MTIF2: variants seen among roughly 807,000 people sequenced by gnomAD.
MTIF2 encodes translation initiation factor IF-2, mitochondrial.
A neutral mutation model predicts 83.5 loss-of-function variants in MTIF2; 71 were observed. The ratio of observed to expected loss-of-function variants is 0.85; its 90% confidence interval spans 0.70 to 1.04. The LOEUF (loss-of-function observed/expected upper bound fraction) is 1.04. MTIF2 is among the 50% of genes least tolerant of loss of function. MTIF2 has a pLI of 0.00. For synonymous variants in MTIF2, 319 were observed against 287.1 expected, an observed-to-expected ratio of 1.11 and a Z score of -1.12; for missense variants, 957 against 846.5, an observed-to-expected ratio of 1.13 and a Z score of -1.62.
At chr2:55,237,230 T>TAGTC in intron 15 of MTIF2, 58 bp downstream of exon 15, 1 of 1,528,782 alleles carries the variant, frequency 6.5e-7, no homozygotes, top group East Asian at 2.3e-5. Context: ...GATGGTTATA[T>TAGTC]AGTCAACAGG....
chr2:55,237,651 T>TTC (rs1404357100), intron 14 of MTIF2, among the ~76,000 whole-genome samples: 4 of 91,518 alleles, frequency 4.4e-5, no homozygotes, highest in Non-Finnish European at 9.2e-5. Context: ...CTTTTTTTCT[T>TTC]TTTTTTTTTT....
rs760889749 is a variant in MTIF2 at position 55,250,008 on chromosome 2, G to A, written c.842-474C>T. On this transcript the variant is annotated intron_variant, in intron 8 of 15. Coordinates refer to ENST00000263629, the MANE Select transcript of MTIF2 (RefSeq NM_002453.3). ...CTTGGGAGCCTGAGGCAGGAGAATC[G>A]CTTGAACCAGGAAGGCAGAGCTTGC... Among the ~76,000 whole-genome samples the A allele has an allele frequency of 7.8e-4, 118 of 152,178 alleles. 1 individual carries two copies. Among genetic ancestry groups the A allele is most frequent in the Non-Finnish European group, 1.3e-3 (90 of 67,994 alleles).
At chr2:55,245,396 C>T (rs1246883538) in intron 10 of MTIF2, among the ~76,000 whole-genome samples, 1 of 151,978 alleles carries the variant, frequency 6.6e-6, no homozygotes, top group East Asian at 1.9e-4. Context: ...GTGGTGGGTG[C>T]CTGTAAATCC....
rs1022642707 is a variant in MTIF2, at chr2:55,251,860, A to C, written c.841+617T>G. Among the ~76,000 whole-genome samples, 6 of 152,206 alleles carry C rather than the reference A, an allele frequency of 3.9e-5. No individual in the cohort carries two copies. In the South Asian group the frequency reaches 6.2e-4, roughly 16 times the overall value. ...CTGGTCTCGAACTCCCAATGACCTC[A>C]GGTGATCCACCGGCCTCGGCCTCCC... On this transcript the variant is annotated intron_variant, in intron 8 of 15. Transcript: ENST00000263629.
Position 55,254,695 on chromosome 2 carries a change from T to G in MTIF2, c.462A>C (p.Leu154Phe). The G allele has an allele frequency of 6.2e-7, 1 of 1,609,064 alleles. No individual in the cohort carries two copies. Residue 154 changes from leucine (L) to phenylalanine (F), a missense_variant, in exon 6 of 16, where the codon TTA becomes TTC. Coordinates refer to ENST00000263629, the MANE Select transcript of MTIF2 (RefSeq NM_002453.3). ...TATTTTTTCTGACTTTGTCCTGTTTTAATTTACTCCACTTTAACTTCATCC... is the reference window on the plus strand; with the variant it reads ...TATTTTTTCTGACTTTGTCCTGTTTGAATTTACTCCACTTTAACTTCATCC... ...KAGMKLKWSK[L>F]KQDKVRKNKD...
chr2:55,258,241 A>T (rs1180260565), intron 5 of MTIF2, among the ~76,000 whole-genome samples: 1 of 152,240 alleles, frequency 6.6e-6, no homozygotes, highest in Non-Finnish European at 1.5e-5. Flanking sequence ...GTACTCCACA[A>T]TAATGCCAAG....
At chr2:55,253,917 A>G in intron 7 of MTIF2, 124 bp downstream of exon 7, 1 of 1,030,898 alleles carries the variant, frequency 9.7e-7, no homozygotes, top group South Asian at 1.7e-5. Flanking sequence ...CATTTCATCA[A>G]ACTAATGACT....
At chr2:55,243,774 A>C (rs1330132275) in intron 11 of MTIF2, 106 bp from the exon 12 acceptor site, 2 of 1,191,028 alleles carry the variant, frequency 1.7e-6, no homozygotes, top group Non-Finnish European at 2.3e-6. Flanking sequence ...CTCATGTATG[A>C]AACTACTACT....
chr2:55,258,948 C>T (rs1443537565), intron 5 of MTIF2, among the ~76,000 whole-genome samples: 1 of 152,024 alleles, frequency 6.6e-6, no homozygotes, highest in Non-Finnish European at 1.5e-5. Context: ...CCATTGCACT[C>T]CAGCCTGCAC....
chr2:55,238,638 G>A (rs971431122), intron 14 of MTIF2, among the ~76,000 whole-genome samples: 7 of 152,002 alleles, frequency 4.6e-5, no homozygotes, highest in Admixed American at 2.6e-4. Flanking sequence ...TGATCCGCCC[G>A]CCTCGACCTC....
chr2:55,263,351 A>C (rs898372140), intron 4 of MTIF2, among the ~76,000 whole-genome samples: 1 of 152,226 alleles, frequency 6.6e-6, no homozygotes, highest in Non-Finnish European at 1.5e-5. Context: ...TATTGCATTA[A>C]GTAATAAATA....
At chr2:55,242,828 A>G in intron 13 of MTIF2, 112 bp downstream of exon 13, 2 of 1,075,676 alleles carry the variant, frequency 1.9e-6, no homozygotes, top group Non-Finnish European at 2.7e-6. Flanking sequence ...AGGAAGGGTG[A>G]TGCTGATAGC....
chr2:55,244,407 G>A (rs1264615149), intron 10 of MTIF2, among the ~76,000 whole-genome samples, 174 bp from the exon 11 acceptor site: 1 of 152,158 alleles, frequency 6.6e-6, no homozygotes, highest in African/African-American at 2.4e-5. Context: ...GGGTGCAGTG[G>A]CACATCTGCA....
intron 5 of MTIF2, among the ~76,000 whole-genome samples, chr2:55,258,631 C>G (rs1456093572): frequency 2.0e-5 from 3 of 152,006 alleles, no homozygotes; most frequent in Non-Finnish European, 4.4e-5. Context: ...GACCAACATG[C>G]TGAAACCTCG....
At chr2:55,245,000 T>A (rs1450114329) in intron 10 of MTIF2, among the ~76,000 whole-genome samples, 1 of 150,684 alleles carries the variant, frequency 6.6e-6, no homozygotes, top group African/African-American at 2.4e-5. Context: ...TGAGCCGAGA[T>A]CACACCACTG....
At position 55,236,715 on chromosome 2, in the gene MTIF2, C is replaced by T. The variant is rs1325953351; in HGVS notation, c.2117G>A (p.Gly706Glu). The T allele has an allele frequency of 3.1e-6, 5 of 1,609,512 alleles. No individual in the cohort carries two copies. The highest frequency in any genetic ancestry group is 4.2e-6 in the Non-Finnish European group (5 of 1,178,754). The change falls in exon 16 of 16, where the codon GGA becomes GAA. Residue 706 changes from glycine (G) to glutamate (E), a missense_variant. Physicochemically the swap from Gly to Glu is moderately conservative, Grantham distance 98. Coordinates refer to ENST00000263629, the MANE Select transcript of MTIF2 (RefSeq NM_002453.3). ...TTCTTCATAACAAACAATTCTGTCT[C>T]CCACTTGAAATTCCATATTGTCTTC... ...LDEDNMEFQV[G>E]DRIVCYEEKQ...
intron 12 of MTIF2, 112 bp from the exon 13 acceptor site, chr2:55,243,192 T>G (rs1676448802): frequency 5.0e-6 from 6 of 1,196,100 alleles, no homozygotes; most frequent in Admixed American, 3.0e-5. Context: ...TATCACTAAA[T>G]CCACTTTTAT....
chr2:55,259,549 A>G (rs992236391), intron 5 of MTIF2, among the ~76,000 whole-genome samples: 2 of 152,038 alleles, frequency 1.3e-5, no homozygotes, highest in Admixed American at 1.3e-4. Context: ...TACATACTGA[A>G]GTATTTATGG....
chr2:55,262,790 A>G (rs768512739), intron 4 of MTIF2, among the ~76,000 whole-genome samples: 11 of 151,814 alleles, frequency 7.2e-5, no homozygotes, highest in Non-Finnish European at 1.5e-4. Flanking sequence ...GTGCAGTGGC[A>G]CAATTTCGGC....
Sources: gnomAD v4.1 joint callset for allele counts (sites outside exome capture counted in the v4.1 genomes callset) on GRCh38, gnomAD v4.1.1 for gene constraint, MANE v1.5 for transcripts, NCBI Gene and HGNC (gene_info 2026-07-23, HGNC 2026-07-21) for gene names.